Variants in STK32C observed in about 807,000 individuals in gnomAD.
STK32C encodes the protein serine/threonine-protein kinase 32C.
A neutral mutation model predicts 56.5 loss-of-function variants in STK32C; 31 were observed. That is an observed-to-expected ratio of 0.55 (90% confidence interval 0.41 to 0.74). The LOEUF is 0.74. STK32C is among the 30% of genes least tolerant of loss of function. The pLI is 0.00. For synonymous variants in STK32C, 309 were observed against 289.4 expected, an observed-to-expected ratio of 1.07 and a Z score of -0.69; for missense variants, 544 against 676.9, an observed-to-expected ratio of 0.80 and a Z score of 2.18.
At chr10:132,297,479 C>T (rs1321463049) in intron 1 of STK32C, among the ~76,000 whole-genome samples, 1 of 152,206 alleles carries the variant, frequency 6.6e-6, no homozygotes, top group Non-Finnish European at 1.5e-5. Context: ...GGGCTGGGGT[C>T]CCAGGGTCCA....
At chr10:132,324,405 T>C (rs771938817) in intron 1 of STK32C, 1 of 763,428 alleles carries the variant, frequency 1.3e-6, no homozygotes, top group African/African-American at 1.7e-5. Flanking sequence ...ATCTTCACTT[T>C]GCAGTCTGAA....
intron 1 of STK32C, among the ~76,000 whole-genome samples, chr10:132,299,176 C>A (rs2065841576): frequency 6.7e-6 from 1 of 148,784 alleles, no homozygotes. Context: ...CGAACTGAGA[C>A]CCCAAGACAA....
chr10:132,225,892 G>A (rs373703936), intron 4 of STK32C, 108 bp from the exon 5 acceptor site: 123 of 1,413,834 alleles, frequency 8.7e-5, no homozygotes, highest in Admixed American at 6.5e-4. Context: ...CAACCCACTC[G>A]AGGCAGAGGC....
At chr10:132,225,892 G>T in intron 4 of STK32C, 108 bp from the exon 5 acceptor site, 1 of 1,413,832 alleles carries the variant, frequency 7.1e-7, no homozygotes, top group Non-Finnish European at 9.9e-7. Flanking sequence ...CAACCCACTC[G>T]AGGCAGAGGC....
rs2062848687 is a variant in STK32C at position 132,225,313 on chromosome 10, CAA to C, written c.794_795del (p.Phe265CysfsTer22). Reference protein sequence around the residue: ...PYMAPEIFHSFVNGGTGYSFE... With the variant: ...PYMAPEIFHSXVNGGTGYSFE... The stretch of plus-strand genomic sequence containing the variant: ...AAGGAGTAGCCGGTCCCGCCGTTGA[CAA>C]AAGAGTGGAAGATCTCCGGAGCTTT... On this transcript the variant is annotated frameshift_variant, in exon 7 of 12. Transcript: ENST00000298630. LOFTEE classifies it high-confidence loss of function. 1 of 1,611,900 alleles carries C rather than the reference CAA, an allele frequency of 6.2e-7. No individual in the cohort carries two copies. The highest frequency in any genetic ancestry group is 8.5e-7 in the Non-Finnish European group (1 of 1,179,238).
At chr10:132,331,973 C>A, upstream of STK32C, 2 of 492,918 alleles carry the variant, frequency 4.1e-6, no homozygotes, top group East Asian at 3.6e-5. Context: ...CACCCCGCCC[C>A]CTCCCGGGCA....
chr10:132,274,137 C>G (rs899922153), intron 1 of STK32C, among the ~76,000 whole-genome samples: 1 of 152,226 alleles, frequency 6.6e-6, no homozygotes, highest in Non-Finnish European at 1.5e-5. Context: ...CAGATGCCTG[C>G]GGGGTCATTG....
rs1343069983 is a variant in STK32C at position 132,208,013 on chromosome 10, G to T, written c.1458C>A (p.Gly486=). 4 of 1,307,672 alleles carry T rather than the reference G, an allele frequency of 3.1e-6. No homozygotes were observed. Among genetic ancestry groups the T allele is most frequent in the Non-Finnish European group, 2.9e-6 (3 of 1,021,328 alleles). The allele number at this position is 1,307,672 out of a possible 1,614,324, so 81.0% of individuals were successfully genotyped here. A position where few individuals can be genotyped will look rare whatever the true frequency, so the allele number is the denominator to read the frequency against. ...CGPICPSAGS[G] ...TGAGGACCACGGGCGTCCCGGCCTA[G>T]CCGCTCCCGGCCGAGGGGCAAATGG... Residue 486 remains glycine (G), a synonymous_variant, in exon 12 of 12, where the codon GGC becomes GGA. Coordinates refer to ENST00000298630, the MANE Select transcript of STK32C (RefSeq NM_173575.4).
intron 2 of STK32C, among the ~76,000 whole-genome samples, chr10:132,241,437 AC>A (rs1462026812): frequency 3.3e-5 from 5 of 152,352 alleles, no homozygotes; most frequent in Admixed American, 2.6e-4. Flanking sequence ...CATAGGAACG[AC>A]GTATCATCAA....
chr10:132,302,996 T>C (rs1315292132), intron 1 of STK32C, among the ~76,000 whole-genome samples: 2 of 151,998 alleles, frequency 1.3e-5, no homozygotes, highest in African/African-American at 2.4e-5. Flanking sequence ...AGTGCAGTCA[T>C]GTGCAAGAGG....
chr10:132,308,726 G>A (rs2066161034), upstream of STK32C, among the ~76,000 whole-genome samples: 1 of 152,222 alleles, frequency 6.6e-6, no homozygotes, highest in Admixed American at 6.5e-5. Flanking sequence ...GAGTCGCCCA[G>A]GGTCCCCTTG....
At chr10:132,310,200 C>A (rs540543826), upstream of STK32C, among the ~76,000 whole-genome samples, 10 of 152,314 alleles carry the variant, frequency 6.6e-5, no homozygotes, top group South Asian at 2.1e-3. The surrounding 1 kb of genome is among the most constrained non-coding windows in gnomAD (Gnocchi z 4.6). Context: ...TCCAACCTCA[C>A]CCTTGCTGTG....
chr10:132,238,214 AG>A (rs2063362504), intron 2 of STK32C, among the ~76,000 whole-genome samples: 1 of 152,180 alleles, frequency 6.6e-6, no homozygotes, highest in Non-Finnish European at 1.5e-5. Flanking sequence ...CTGCTCTCGG[AG>A]GCCCCCACGG....
intron 8 of STK32C, 51 bp downstream of exon 8, chr10:132,224,352 TGAGG>T: frequency 7.5e-7 from 1 of 1,332,770 alleles, no homozygotes; most frequent in Non-Finnish European, 1.0e-6. Flanking sequence ...CGCAGGTAAG[TGAGG>T]GAGGGAGGTG....
intron 2 of STK32C, among the ~76,000 whole-genome samples, chr10:132,240,239 G>C (rs895930960): frequency 6.6e-6 from 1 of 152,220 alleles, no homozygotes; most frequent in African/African-American, 2.4e-5. Context: ...AGCCAGTGCT[G>C]CTCGCCACCT....
At chr10:132,300,061 C>T (rs139475960) in intron 1 of STK32C, among the ~76,000 whole-genome samples, 3 of 152,364 alleles carry the variant, frequency 2.0e-5, no homozygotes, top group East Asian at 1.9e-4. Flanking sequence ...ATGCGTGCAA[C>T]GCCCGTGCTA....
intron 8 of STK32C, among the ~76,000 whole-genome samples, chr10:132,223,282 G>A (rs1689527592): frequency 6.6e-6 from 1 of 152,236 alleles, no homozygotes. Context: ...GATTTGCCAG[G>A]AGGTGGCAGC....
intron 1 of STK32C, among the ~76,000 whole-genome samples, chr10:132,282,437 CTGT>C (rs1374967054): frequency 1.3e-5 from 2 of 151,946 alleles, no homozygotes; most frequent in African/African-American, 4.8e-5. Flanking sequence ...CTGCGCCCAC[CTGT>C]ACCTGCACCC....
chr10:132,295,408 C>T lies in STK32C; in HGVS notation c.262+12164G>A, dbSNP rs544197394. 1.5e-3 allele frequency among the ~76,000 whole-genome samples: 223 copies of T among 152,244 alleles called. 1 individual carries two copies. The highest frequency in any genetic ancestry group is 5.1e-3 in the African/African-American group (210 of 41,516). Reference sequence around the variant, plus strand: ...CTCACAAGAGCAACAACGAAAGCACCGAAGAAGGGGTGTTGAAGGAGCCAG... The same window carrying T: ...CTCACAAGAGCAACAACGAAAGCACTGAAGAAGGGGTGTTGAAGGAGCCAG... On this transcript the variant is annotated intron_variant, in intron 1 of 11. Transcript: ENST00000298630.
Sources: gnomAD v4.1 joint callset for allele counts (sites outside exome capture counted in the v4.1 genomes callset) on GRCh38, gnomAD v4.1.1 for gene constraint, Gnocchi (gnomAD v3.1) non-coding constraint, MANE v1.5 for transcripts, NCBI Gene and HGNC (gene_info 2026-07-23, HGNC 2026-07-21) for gene names.